The following SIGLEC1 variants were observed in gnomAD, a reference collection of about 807,000 sequenced individuals.
The protein encoded by SIGLEC1 is sialoadhesin.
A neutral mutation model predicts 148.0 loss-of-function variants in SIGLEC1; 132 were observed. The observed-to-expected ratio is 0.89, with a 90% CI of 0.77 to 1.03. The LOEUF (loss-of-function observed/expected upper bound fraction) is 1.03, where lower values mean the gene tolerates loss of function less well. Among genes scored for constraint, SIGLEC1 ranks in the 50% least tolerant of loss-of-function variants. The pLI is 0.00. For synonymous variants in SIGLEC1, 945 were observed against 969.0 expected, an observed-to-expected ratio of 0.98 and a Z score of 0.46; for missense variants, 2,253 against 2,271.4, an observed-to-expected ratio of 0.99 and a Z score of 0.16.
In SIGLEC1 at chr20:3,699,344, A is replaced by G; in HGVS notation, c.1644T>C (p.Asn548=). Residue 548 remains asparagine, a synonymous_variant, in exon 8 of 22, where the codon AAT becomes AAC. Coordinates refer to ENST00000344754, the MANE Select transcript of SIGLEC1 (RefSeq NM_023068.4). ...TPDARFSWYL[N]GALLHEGPGS... ...CGGGACCCTCGTGAAGCAGGGCTCC[A>G]TTCAGGTACCAGGAGAAGCGGGCAT... is the stretch of plus-strand genomic sequence containing the variant. The G allele has an allele frequency of 6.2e-7, 1 of 1,609,226 alleles. No individual in the cohort carries two copies. The highest frequency in any genetic ancestry group is 8.5e-7 in the Non-Finnish European group (1 of 1,178,544).
intron 7 of SIGLEC1, among the ~76,000 whole-genome samples, chr20:3,700,473 A>G (rs1189575604): frequency 6.6e-6 from 1 of 150,982 alleles, no homozygotes; most frequent in Non-Finnish European, 1.5e-5. Flanking sequence ...AGTCTCAGCT[A>G]TTTGGGAGGC....
At chr20:3,699,661 G>A (rs1176814632) in intron 7 of SIGLEC1, among the ~76,000 whole-genome samples, 1 of 152,166 alleles carries the variant, frequency 6.6e-6, no homozygotes, top group African/African-American at 2.4e-5. Context: ...AAGATTCAGA[G>A]CCAGAGCCCA....
In SIGLEC1 at chr20:3,693,596, G is replaced by T. The variant is rs1379754413; in HGVS notation, c.3359C>A (p.Thr1120Lys). ...WTTHPAQLTYTWYQDGQQRLD... is the reference protein window; with the variant it reads ...WTTHPAQLTYKWYQDGQQRLD... ...GCGCTGCTGCCCATCCTGGTACCAT[G>T]TGTAGGTGAGCTGGGCCGGGTGAGT... The change falls in exon 14 of 22, where the codon ACA (threonine) becomes AAA (lysine). Residue 1120 changes from threonine to lysine, a missense_variant. Coordinates refer to ENST00000344754, the MANE Select transcript of SIGLEC1 (RefSeq NM_023068.4). The T allele has an allele frequency of 6.2e-7, 1 of 1,613,046 alleles. No homozygotes were observed. Among genetic ancestry groups the T allele is most frequent in the Non-Finnish European group, 8.5e-7 (1 of 1,179,778 alleles).
Position 3,692,018 on chromosome 20 carries a change from G to A in SIGLEC1, c.4215C>T (p.Ala1405=). 1 of 1,613,372 alleles carries A rather than the reference G, an allele frequency of 6.2e-7. No homozygotes were observed. Among genetic ancestry groups the A allele is most frequent in the South Asian group, 1.1e-5 (1 of 91,018 alleles). The part of the protein sequence containing the change: ...LASGTGHVQV[A]RNALRLQVQD... Reference sequence around the variant, plus strand: ...GCACCTGCAGCCGTAGGGCGTTTCGGGCCACCTGGACATGGCCTGTCCCTG... The same window carrying A: ...GCACCTGCAGCCGTAGGGCGTTTCGAGCCACCTGGACATGGCCTGTCCCTG... The change falls in exon 17 of 22, where the codon GCC becomes GCT. Residue 1405 remains alanine, a synonymous_variant. Transcript: ENST00000344754.
intron 19 of SIGLEC1, 28 bp downstream of exon 19, chr20:3,689,934 C>T: frequency 1.3e-6 from 2 of 1,580,296 alleles, no homozygotes; most frequent in Non-Finnish European, 1.7e-6. Flanking sequence ...TGCAGAGTGG[C>T]CTGGGAGATG....
Position 3,707,215 on chromosome 20 carries a change from G to A in SIGLEC1, c.-87C>T, listed in dbSNP as rs534186387. ...CACAGGGGCCTCCAGGGACACCTCT[G>A]GGCACTTTAGCCCCAGCACCTGCTA... On this transcript the variant is annotated 5_prime_UTR_variant, in exon 2 of 22. Transcript: ENST00000344754. 20 of 1,240,170 alleles carry A rather than the reference G, an allele frequency of 1.6e-5. No homozygotes were observed. The highest frequency in any genetic ancestry group is 2.3e-5 in the Non-Finnish European group (20 of 852,690). The allele number at this position is 1,240,170 out of a possible 1,614,324, so 76.8% of individuals were successfully genotyped here. A position where few individuals can be genotyped will look rare whatever the true frequency, so the allele number is the denominator to read the frequency against.
In SIGLEC1 at chr20:3,697,097, G is replaced by A; in HGVS notation, c.2368C>T (p.Leu790=). 1.2e-6 allele frequency: 2 copies of A among 1,610,848 alleles called. No individual in the cohort carries two copies. The highest frequency in any genetic ancestry group is 1.7e-6 in the Non-Finnish European group (2 of 1,179,704). ...GCCAGTCACCCACAGAGTACACTCA[G>A]GAGCACGGGAGTGGAGAGCTGGGCA... ...AGAQLSTPVL[L]SVLYPPDRPK... The change falls in exon 10 of 22, where the codon CTG becomes TTG. Residue 790 remains leucine, a synonymous_variant. Transcript: ENST00000344754.
chr20:3,694,732 G>T lies in SIGLEC1; in HGVS notation c.2875C>A (p.His959Asn), dbSNP rs1450235800. The T allele has an allele frequency of 2.5e-6, 4 of 1,613,858 alleles. No homozygotes were observed. Among genetic ancestry groups the T allele is most frequent in the Non-Finnish European group, 2.5e-6 (3 of 1,180,026 alleles). Residue 959 changes from histidine to asparagine, a missense_variant, in exon 12 of 22, where the codon CAT (histidine) becomes AAT (asparagine). Transcript: ENST00000344754. The part of the protein sequence containing the change: ...AITLTQAGAY[H>N]CQAQAPGSAT... Reference sequence around the variant, plus strand: ...GAGCCTGGGGCCTGGGCTTGGCAATGATAGGCCCCAGCTTGTGTCAAAGTT... The same window carrying T: ...GAGCCTGGGGCCTGGGCTTGGCAATTATAGGCCCCAGCTTGTGTCAAAGTT...
intron 11 of SIGLEC1, among the ~76,000 whole-genome samples, chr20:3,696,133 C>T (rs28688780): frequency 0.039 from 2,979 of 77,184 alleles, 70 homozygotes; most frequent in African/African-American, 0.12. Context: ...TATATATACA[C>T]ACACACAAAC....
Position 3,699,310 on chromosome 20 carries a change from G to C in SIGLEC1, c.1678C>G (p.Leu560Val). 6.2e-7 allele frequency: 1 copy of C among 1,608,612 alleles called. No individual in the cohort carries two copies. The highest frequency in any genetic ancestry group is 1.7e-4 in the Middle Eastern group (1 of 6,052). Residue 560 changes from leucine (L) to valine (V), a missense_variant, in exon 8 of 22, where the codon CTC becomes GTC. By Grantham distance (32) the Leu-to-Val change is conservative. Transcript: ENST00000344754. ...GTGCTGGAGGCCGCGGGGAGCAGGAGGCTGCTGCCGGGACCCTCGTGAAGC... is the reference window on the plus strand; with the variant it reads ...GTGCTGGAGGCCGCGGGGAGCAGGACGCTGCTGCCGGGACCCTCGTGAAGC... ...ALLHEGPGSS[L>V]LLPAASSTDA...
In SIGLEC1 at chr20:3,689,153, A is replaced by G; in HGVS notation, c.5070+2T>C. ...ATCTGCCCGTGTGTGTTGAATGGAT[A>G]CCTGCGTGGTCTCTTTCTGAAAAGC... On this transcript the variant is annotated splice_donor_variant, in intron 21 of 21. Coordinates refer to ENST00000344754, the MANE Select transcript of SIGLEC1 (RefSeq NM_023068.4). LOFTEE classifies it high-confidence loss of function. 6.2e-7 allele frequency: 1 copy of G among 1,613,094 alleles called. No individual in the cohort carries two copies. The highest frequency in any genetic ancestry group is 8.5e-7 in the Non-Finnish European group (1 of 1,179,064).
intron 7 of SIGLEC1, 27 bp downstream of exon 7, chr20:3,701,315 C>T (rs1229488556): frequency 6.3e-7 from 1 of 1,576,450 alleles, no homozygotes; most frequent in Non-Finnish European, 8.6e-7. Flanking sequence ...TCCCTCCACT[C>T]TCCCTGGCTG....
chr20:3,699,418 C>A lies in SIGLEC1; in HGVS notation c.1570G>T (p.Gly524Ter). 1 of 1,610,102 alleles carries A rather than the reference C, an allele frequency of 6.2e-7. No individual in the cohort carries two copies. Among genetic ancestry groups the A allele is most frequent in the Non-Finnish European group, 8.5e-7 (1 of 1,178,874 alleles). ...LISPAAEVVE[G>*]QAVTLSCRSG... The stretch of plus-strand genomic sequence containing the variant: ...CTGCAGCTCAGTGTCACTGCCTGTC[C>A]TTCCACCACCTCGGCTGCCGGGCTG... Residue 524 changes from glycine to a stop codon, truncating the protein, a stop_gained, in exon 8 of 22, where the codon GGA (glycine) becomes TGA (stop). Coordinates refer to ENST00000344754, the MANE Select transcript of SIGLEC1 (RefSeq NM_023068.4). LOFTEE classifies it high-confidence loss of function.
At chr20:3,692,424 G>T in intron 16 of SIGLEC1, 97 bp downstream of exon 16, 1 of 1,381,314 alleles carries the variant, frequency 7.2e-7, no homozygotes, top group Non-Finnish European at 9.6e-7. Context: ...GCCCATTCCT[G>T]GGCCCACTGC....
Position 3,703,238 on chromosome 20 carries a change from T to C in SIGLEC1, c.1187A>G (p.His396Arg), listed in dbSNP as rs760600923. Residue 396 changes from histidine to arginine, a missense_variant, in exon 6 of 22, where the codon CAT (histidine) becomes CGT (arginine). Transcript: ENST00000344754. ...GACAGGGCCCGAGCGCTCGCTGCCA[T>C]GGACGTTCTGCACCTCACAGAAGTA... The part of the protein sequence containing the change: ...GFYFCEVQNV[H>R]GSERSGPVSV... 5.6e-6 allele frequency: 9 copies of C among 1,614,038 alleles called. No individual in the cohort carries two copies. The highest frequency in any genetic ancestry group is 7.6e-6 in the Non-Finnish European group (9 of 1,180,034).
chr20:3,693,117 G>A lies in SIGLEC1; in HGVS notation c.3523C>T (p.Leu1175=). The A allele has an allele frequency of 1.7e-5, 26 of 1,569,334 alleles. No homozygotes were observed. Among genetic ancestry groups the A allele is most frequent in the Non-Finnish European group, 2.2e-5 (26 of 1,162,244 alleles). Residue 1175 remains leucine, a synonymous_variant, in exon 15 of 22, where the codon CTG becomes TTG. Transcript: ENST00000344754. ...TLDVLYAPRN[L]RLTYLLESHG... ...CTCTCCAGGAGGTAGGTCAGGCGCA[G>A]GTTGCGGGGCGCGTCTGCAGGGCAT...
In SIGLEC1 at chr20:3,693,460, G is replaced by A. The variant is rs753570426; in HGVS notation, c.3495C>T (p.Thr1165=). The change falls in exon 14 of 22, where the codon ACC becomes ACT. Residue 1165 remains threonine, a synonymous_variant. Transcript: ENST00000344754. ...GRAPRLSRPI[T]LDVLYAPRNL... The stretch of plus-strand genomic sequence containing the variant: ...AGCCAGACTCACAGAGGACGTCCAA[G>A]GTGATAGGTCTGGAGAGGCGGGGTG... The A allele has an allele frequency of 1.9e-6, 3 of 1,585,768 alleles. No individual in the cohort carries two copies. Among genetic ancestry groups the A allele is most frequent in the South Asian group, 1.2e-5 (1 of 86,902 alleles).
intron 1 of SIGLEC1, among the ~76,000 whole-genome samples, chr20:3,708,351 A>G (rs2087910336): frequency 6.6e-6 from 1 of 152,214 alleles, no homozygotes; most frequent in Admixed American, 6.5e-5. Flanking sequence ...ATATAAGTGA[A>G]ACTATAAAAC....
rs1405339278 is a variant in SIGLEC1 at position 3,694,873 on chromosome 20, C to T, written c.2734G>A (p.Val912Met). ...GTGTGTACCTGGCAGCTCAGGACCACAGCCTGGCCCTCTTGGAGCTCAGGT... is the reference window on the plus strand; with the variant it reads ...GTGTGTACCTGGCAGCTCAGGACCATAGCCTGGCCCTCTTGGAGCTCAGGT... ...PSPELQEGQA[V>M]VLSCQVHTGV... The change falls in exon 12 of 22, where the codon GTG (valine) becomes ATG (methionine). Residue 912 changes from valine (V) to methionine (M), a missense_variant. By Grantham distance (21) the Val-to-Met change is conservative (BLOSUM62 1). Coordinates refer to ENST00000344754, the MANE Select transcript of SIGLEC1 (RefSeq NM_023068.4). The T allele has an allele frequency of 1.9e-6, 3 of 1,613,146 alleles. No homozygotes were observed. The highest frequency in any genetic ancestry group is 1.1e-5 in the South Asian group (1 of 91,082).
Sources: allele counts gnomAD v4.1 joint callset (sites outside exome capture counted in the v4.1 genomes callset), GRCh38; gene constraint gnomAD v4.1.1; transcripts MANE v1.5; gene names NCBI Gene and HGNC (gene_info 2026-07-23, HGNC 2026-07-21).